The following SMYD2 variants were observed in gnomAD, a reference collection of about 807,000 sequenced individuals.
The protein encoded by SMYD2 is SET and MYND domain containing 2.
Under a neutral mutation model 59.1 loss-of-function variants are expected in SMYD2, and 53 were observed. The observed-to-expected ratio is 0.90, with a 90% CI of 0.72 to 1.13. The LOEUF (loss-of-function observed/expected upper bound fraction) is 1.13, where lower values mean the gene tolerates loss of function less well. Among genes scored for constraint, SMYD2 ranks in the 50% most tolerant of loss-of-function variants. The probability of loss-of-function intolerance (pLI) is 0.00; values close to 1 mark genes in which losing one functional copy is unlikely to be tolerated. For synonymous variants in SMYD2, 208 were observed against 198.8 expected, an observed-to-expected ratio of 1.05 and a Z score of -0.39; for missense variants, 494 against 544.7, an observed-to-expected ratio of 0.91 and a Z score of 0.93.
rs766122439 is a variant in SMYD2, at chr1:214,324,630, T to G, written c.535-11T>G. ...CTCATTTTTTTCCTTTCTCCCTTTT[T>G]CTTGCTGCAGGTTAACTGTAATGGC... On this transcript the variant is annotated splice_polypyrimidine_tract_variant and intron_variant, in intron 5 of 11. Coordinates refer to ENST00000366957, the MANE Select transcript of SMYD2 (RefSeq NM_020197.3). 4.4e-6 allele frequency: 7 copies of G among 1,600,360 alleles called. No individual in the cohort carries two copies. In the South Asian group the frequency reaches 5.7e-5, roughly 13 times the overall value.
intron 2 of SMYD2, among the ~76,000 whole-genome samples, chr1:214,308,986 A>C (rs945981907): frequency 6.6e-6 from 1 of 152,166 alleles, no homozygotes; most frequent in Non-Finnish European, 1.5e-5. Flanking sequence ...CCTTGGCCAG[A>C]CACCTCTCCA....
intron 1 of SMYD2, among the ~76,000 whole-genome samples, chr1:214,292,418 A>T (rs574971603): frequency 2.0e-5 from 3 of 152,224 alleles, no homozygotes; most frequent in Non-Finnish European, 4.4e-5. Context: ...TGATTTCTGC[A>T]GTCTGGATTA....
intron 6 of SMYD2, among the ~76,000 whole-genome samples, chr1:214,325,009 C>T (rs1313137036): frequency 6.6e-6 from 1 of 152,168 alleles, no homozygotes; most frequent in Non-Finnish European, 1.5e-5. Context: ...TTGCTTTCTG[C>T]CTATCTGTGG....
chr1:214,334,161 C>T (rs779456230), intron 10 of SMYD2, 39 bp from the exon 11 acceptor site: 46 of 1,589,882 alleles, frequency 2.9e-5, no homozygotes, highest in Non-Finnish European at 3.8e-5. Flanking sequence ...GCTCAGTAGC[C>T]GCTGACATGG....
At chr1:214,296,926 G>C (rs1189549131) in intron 1 of SMYD2, among the ~76,000 whole-genome samples, 1 of 152,196 alleles carries the variant, frequency 6.6e-6, no homozygotes, top group African/African-American at 2.4e-5. Flanking sequence ...GTTAGAAAAA[G>C]ACAGGGTCAG....
At chr1:214,311,844 A>T (rs1182588273) in intron 2 of SMYD2, among the ~76,000 whole-genome samples, 1 of 152,140 alleles carries the variant, frequency 6.6e-6, no homozygotes, top group Non-Finnish European at 1.5e-5. Context: ...TTAGGGACAG[A>T]GATTATGTCT....
In SMYD2 at chr1:214,314,357, C is replaced by T. The variant is rs145731596; in HGVS notation, c.238-405C>T. Among the ~76,000 whole-genome samples the T allele has an allele frequency of 4.4e-3, 675 of 152,220 alleles. 2 individuals are homozygous for T. Among genetic ancestry groups the T allele is most frequent in the African/African-American group, 7.5e-3 (313 of 41,526 alleles). Reference sequence around the variant, plus strand: ...GTCAACTCTCCATTATTTGCCCTGACGTGAGAACAAAGCCAGAGCGGAACT... The same window carrying T: ...GTCAACTCTCCATTATTTGCCCTGATGTGAGAACAAAGCCAGAGCGGAACT... On this transcript the variant is annotated intron_variant, in intron 2 of 11. Transcript: ENST00000366957.
chr1:214,295,711 A>G (rs1411637400), intron 1 of SMYD2, among the ~76,000 whole-genome samples: 3 of 152,222 alleles, frequency 2.0e-5, no homozygotes, highest in African/African-American at 4.8e-5. Flanking sequence ...GGTCCCGTTC[A>G]CTGTTACATT....
intron 2 of SMYD2, among the ~76,000 whole-genome samples, chr1:214,309,275 T>C (rs1446310545): frequency 6.6e-6 from 1 of 152,226 alleles, no homozygotes; most frequent in Non-Finnish European, 1.5e-5. Context: ...AATTCCTTTT[T>C]AGTTGGGTGC....
chr1:214,320,661 C>T (rs897352987), intron 5 of SMYD2, among the ~76,000 whole-genome samples: 1 of 152,152 alleles, frequency 6.6e-6, no homozygotes, highest in Non-Finnish European at 1.5e-5. Context: ...CACTTCTGCC[C>T]ACTTCAGCTT....
chr1:214,285,005 CTTTG>C (rs1043854552), intron 1 of SMYD2, among the ~76,000 whole-genome samples: 9 of 152,238 alleles, frequency 5.9e-5, no homozygotes, highest in African/African-American at 1.7e-4. Context: ...ATTGACATTT[CTTTG>C]TTTGTTCTGA....
chr1:214,305,099 A>G, intron 1 of SMYD2, 88 bp from the exon 2 acceptor site: 2 of 1,284,268 alleles, frequency 1.6e-6, no homozygotes. Flanking sequence ...CTGCTTTCCA[A>G]CCAAGTGGCT....
At chr1:214,309,160 G>A (rs1340612260) in intron 2 of SMYD2, among the ~76,000 whole-genome samples, 2 of 152,146 alleles carry the variant, frequency 1.3e-5, no homozygotes, top group African/African-American at 4.8e-5. Context: ...ATCTTGTCCC[G>A]TTACTTTCCT....
intron 1 of SMYD2, among the ~76,000 whole-genome samples, chr1:214,304,347 C>G (rs1656881009): frequency 2.0e-5 from 3 of 151,436 alleles, no homozygotes; most frequent in Admixed American, 2.0e-4. Context: ...TGGCTTGAGC[C>G]CAGGAGTTGG....
chr1:214,305,242 G>C lies in SMYD2; in HGVS notation c.229G>C (p.Glu77Gln). Residue 77 changes from glutamate (E) to glutamine (Q), a missense_variant, in exon 2 of 12, where the codon GAG becomes CAG. Glu to Gln is a conservative substitution (Grantham distance 29). Coordinates refer to ENST00000366957, the MANE Select transcript of SMYD2 (RefSeq NM_020197.3). The stretch of plus-strand genomic sequence containing the variant: ...CAAGCAGGCATTTTACTGCAATGTG[G>C]AGTGTCAGGTAGGTGCTGGGCCATT... ...RCKQAFYCNVECQKEDWPMHK... is the reference protein window; with the variant it reads ...RCKQAFYCNVQCQKEDWPMHK... 6.2e-7 allele frequency: 1 copy of C among 1,614,204 alleles called. No individual in the cohort carries two copies. Among genetic ancestry groups the C allele is most frequent in the Non-Finnish European group, 8.5e-7 (1 of 1,180,018 alleles).
rs765377935 is a variant in SMYD2, at chr1:214,330,182, T to C, written c.720T>C (p.Tyr240=). ...IKPGEEVFTS[Y]IDLLYPTEDR... ...GGACCCCGTAGGTTTTTACCAGCTA[T>C]ATTGATCTCCTGTACCCAACGGAAG... Residue 240 remains tyrosine (Y), a synonymous_variant, in exon 8 of 12, where the codon TAT becomes TAC. Coordinates refer to ENST00000366957, the MANE Select transcript of SMYD2 (RefSeq NM_020197.3). 6.2e-6 allele frequency: 10 copies of C among 1,609,150 alleles called. No homozygotes were observed. The African/African-American group carries it at 1.2e-4, about 19-fold the overall frequency.
chr1:214,329,615 A>C (rs1191473372), intron 7 of SMYD2, among the ~76,000 whole-genome samples: 1 of 152,136 alleles, frequency 6.6e-6, no homozygotes, highest in Non-Finnish European at 1.5e-5. Flanking sequence ...GGTGTCCTAG[A>C]AGATGTGTTC....
intron 1 of SMYD2, among the ~76,000 whole-genome samples, chr1:214,291,604 A>G (rs1266124656): frequency 6.6e-6 from 1 of 152,210 alleles, no homozygotes; most frequent in Non-Finnish European, 1.5e-5. Context: ...TGTTTTACGT[A>G]AAAACTTTGA....
intron 9 of SMYD2, 175 bp downstream of exon 9, chr1:214,331,245 G>A (rs971193810): frequency 1.3e-5 from 12 of 940,246 alleles, no homozygotes; most frequent in Admixed American, 1.2e-4. Context: ...TGTCCATCCT[G>A]TTGGAGTTGT....
Sources: gnomAD v4.1 joint callset for allele counts (sites outside exome capture counted in the v4.1 genomes callset) on GRCh38, gnomAD v4.1.1 for gene constraint, MANE v1.5 for transcripts, NCBI Gene and HGNC (gene_info 2026-07-23, HGNC 2026-07-21) for gene names.